The following SLF1 variants were observed in gnomAD, a reference collection of about 807,000 sequenced individuals.
SLF1 encodes the protein SMC5-SMC6 complex localization factor protein 1.
In SLF1, 105 loss-of-function variants were observed where a neutral mutation model predicts 123.0. The ratio of observed to expected loss-of-function variants is 0.85; its 90% CI spans 0.73 to 1.00. The LOEUF (loss-of-function observed/expected upper bound fraction) is 1.00. Ranked by LOEUF, SLF1 falls within the 50% of genes least tolerant of loss-of-function variation. The pLI, the probability that SLF1 is intolerant of heterozygous loss-of-function variation, is 0.00. For synonymous variants in SLF1, 434 were observed against 406.6 expected, an observed-to-expected ratio of 1.07 and a Z score of -0.81; for missense variants, 1,239 against 1,223.0, an observed-to-expected ratio of 1.01 and a Z score of -0.20.
At chr5:94,676,292 A>G (rs950040140) in intron 14 of SLF1, among the ~76,000 whole-genome samples, 18 of 152,188 alleles carry the variant, frequency 1.2e-4, no homozygotes, top group African/African-American at 4.3e-4. Flanking sequence ...GCTCAGAGTG[A>G]TCAAGCAAGA....
At chr5:94,687,079 A>T (rs1442658096) in intron 16 of SLF1, among the ~76,000 whole-genome samples, 3 of 152,216 alleles carry the variant, frequency 2.0e-5, no homozygotes, top group South Asian at 2.1e-4. Flanking sequence ...ACTCAATTTT[A>T]AAAAATTCTT....
chr5:94,647,688 A>T (rs1292512618), intron 5 of SLF1, among the ~76,000 whole-genome samples: 2 of 152,236 alleles, frequency 1.3e-5, no homozygotes, highest in East Asian at 3.8e-4. Flanking sequence ...AGGAATAAAA[A>T]TGACTATTTA....
At chr5:94,670,305 CTT>C (rs1190066954) in intron 13 of SLF1, 26 bp downstream of exon 13, 1 of 1,418,982 alleles carries the variant, frequency 7.0e-7, no homozygotes, top group Non-Finnish European at 9.2e-7. Flanking sequence ...AAGAATAACA[CTT>C]TTCTAAATTT....
chr5:94,628,878 T>C lies in SLF1; in HGVS notation c.68T>C (p.Leu23Pro). 6.5e-7 allele frequency: 1 copy of C among 1,550,202 alleles called. No homozygotes were observed. The highest frequency in any genetic ancestry group is 8.7e-7 in the Non-Finnish European group (1 of 1,146,342). ...TGFKMEEKEA[L>P]VKLLLKLDCT... ...TTTAAGATGGAAGAAAAAGAAGCGC[T>C]AGTCAAATTACTTTTAAAACTAGAT... The change falls in exon 2 of 21, where the codon CTA (leucine) becomes CCA (proline). Residue 23 changes from leucine to proline, a missense_variant. By Grantham distance (98) the Leu-to-Pro change is moderately conservative (BLOSUM62 -3). Coordinates refer to ENST00000265140, the MANE Select transcript of SLF1 (RefSeq NM_032290.4).
chr5:94,671,254 T>C (rs1194468930), intron 14 of SLF1, among the ~76,000 whole-genome samples: 1 of 151,894 alleles, frequency 6.6e-6, no homozygotes, highest in African/African-American at 2.4e-5. Context: ...AATCTCTAGT[T>C]ACTTACCTTT....
chr5:94,622,939 C>A (rs747730777), intron 1 of SLF1, among the ~76,000 whole-genome samples: 1 of 152,038 alleles, frequency 6.6e-6, no homozygotes, highest in Non-Finnish European at 1.5e-5. Context: ...TAGCACCTTC[C>A]GCTTTTTCCC....
chr5:94,670,198 T>C lies in SLF1; in HGVS notation c.1580T>C (p.Ile527Thr), dbSNP rs778223116. 3.3e-6 allele frequency: 5 copies of C among 1,537,118 alleles called. No individual in the cohort carries two copies. The highest frequency in any genetic ancestry group is 1.2e-5 in the South Asian group (1 of 81,130). ...ESFCHQISEN[I>T]GSKVLHLTLL... ...TTTTGTCATCAAATTTCAGAAAATATTGGCTCCAAGGTGCTCCACCTGACG... is the reference window on the plus strand; with the variant it reads ...TTTTGTCATCAAATTTCAGAAAATACTGGCTCCAAGGTGCTCCACCTGACG... Residue 527 changes from isoleucine to threonine, a missense_variant, in exon 13 of 21, where the codon ATT (isoleucine) becomes ACT (threonine). By Grantham distance (89) the Ile-to-Thr change is moderately conservative (BLOSUM62 -1). Transcript: ENST00000265140.
In SLF1 at chr5:94,628,358, A is replaced by G. The variant is rs528418487; in HGVS notation, c.1-453A>G. ...TTCACCATGTTGGCCAGGCTGGTCTAGATTTCCTGACCTCGTGATCCGCCG... is the reference window on the plus strand; with the variant it reads ...TTCACCATGTTGGCCAGGCTGGTCTGGATTTCCTGACCTCGTGATCCGCCG... On this transcript the variant is annotated intron_variant, in intron 1 of 20. Transcript: ENST00000265140. 5.9e-5 allele frequency among the ~76,000 whole-genome samples: 9 copies of G among 151,784 alleles called. No individual in the cohort carries two copies. The South Asian group carries it at 1.9e-3, about 32-fold the overall frequency.
intron 4 of SLF1, among the ~76,000 whole-genome samples, chr5:94,636,396 G>A (rs993421264): frequency 6.6e-6 from 1 of 151,972 alleles, no homozygotes; most frequent in African/African-American, 2.4e-5. Flanking sequence ...TCTCTCTTCT[G>A]CTGATTTTAT....
At chr5:94,636,473 T>G (rs1703614745) in intron 4 of SLF1, among the ~76,000 whole-genome samples, 2 of 152,160 alleles carry the variant, frequency 1.3e-5, no homozygotes, top group African/African-American at 4.8e-5. Flanking sequence ...CTTCGCTGAC[T>G]GGAAAATTTC....
Position 94,653,364 on chromosome 5 carries a change from C to T in SLF1, c.975C>T (p.Gly325=), listed in dbSNP as rs765926259. ...KKGKESNCKK[G]VEHEKIKSTL... ...GAAAAGAAAGCAATTGCAAGAAAGG[C>T]GTTGAACATGAAAAAATAAAAAGTA... The change falls in exon 8 of 21, where the codon GGC becomes GGT. Residue 325 remains glycine, a synonymous_variant. Coordinates refer to ENST00000265140, the MANE Select transcript of SLF1 (RefSeq NM_032290.4). 26 of 1,525,718 alleles carry T rather than the reference C, an allele frequency of 1.7e-5. No individual in the cohort carries two copies. In the Admixed American group the frequency reaches 3.5e-4, roughly 20 times the overall value. The allele number at this position is 1,525,718 out of a possible 1,614,324, so 94.5% of individuals were successfully genotyped here. A position where few individuals can be genotyped will look rare whatever the true frequency, so the allele number is the denominator to read the frequency against.
intron 7 of SLF1, among the ~76,000 whole-genome samples, chr5:94,652,796 T>C (rs1480692971): frequency 6.6e-6 from 1 of 152,170 alleles, no homozygotes; most frequent in African/African-American, 2.4e-5. Context: ...TTTCAAAATA[T>C]TTTACTAATG....
chr5:94,671,117 T>G, intron 14 of SLF1, 109 bp downstream of exon 14: 1 of 783,446 alleles, frequency 1.3e-6, no homozygotes, highest in Non-Finnish European at 1.9e-6. Flanking sequence ...AATTAAAATG[T>G]ACCCAAATAT....
At chr5:94,646,871 G>A (rs1033712115) in intron 5 of SLF1, among the ~76,000 whole-genome samples, 1 of 152,080 alleles carries the variant, frequency 6.6e-6, no homozygotes, top group African/African-American at 2.4e-5. Context: ...TTACTACCTT[G>A]AGTAATAGTT....
chr5:94,666,130 GT>G, intron 12 of SLF1, 106 bp downstream of exon 12: 1 of 1,139,810 alleles, frequency 8.8e-7, no homozygotes, highest in South Asian at 1.8e-5. Context: ...TTTTGGAAAA[GT>G]TTTGTTGCAA....
At chr5:94,669,771 AGAG>A (rs888005308) in intron 12 of SLF1, among the ~76,000 whole-genome samples, 1 of 152,062 alleles carries the variant, frequency 6.6e-6, no homozygotes, top group African/African-American at 2.4e-5. Context: ...TGGGTAAGAA[AGAG>A]GAGGATTCTG....
At chr5:94,651,308 G>A (rs1747697441) in intron 6 of SLF1, among the ~76,000 whole-genome samples, 2 of 152,162 alleles carry the variant, frequency 1.3e-5, no homozygotes, top group African/African-American at 4.8e-5. Context: ...TATCCCCATC[G>A]TTAAGCAGTG....
At chr5:94,650,554 C>T (rs564478760) in intron 6 of SLF1, among the ~76,000 whole-genome samples, 190 of 152,086 alleles carry the variant, frequency 1.2e-3, no homozygotes, top group African/African-American at 4.5e-3. Context: ...TTAGTAGAGA[C>T]GGGGTTTCAC....
rs956187739 is a variant in SLF1, at chr5:94,651,582, G to C, written c.739-120G>C. The C allele has an allele frequency of 4.4e-6, 3 of 676,026 alleles. 1 individual carries two copies. The East Asian group carries it at 1.1e-4, about 24-fold the overall frequency. The allele number at this position is 676,026 out of a possible 1,614,324, so 41.9% of individuals were successfully genotyped here. A position where few individuals can be genotyped will look rare whatever the true frequency, so the allele number is the denominator to read the frequency against. ...AGGGTTCTTTACTCTATTTAACCTT[G>C]TATGTATATTTTACAAAATCTATGT... On this transcript the variant is annotated intron_variant, in intron 6 of 20. Coordinates refer to ENST00000265140, the MANE Select transcript of SLF1 (RefSeq NM_032290.4).
Sources: gnomAD v4.1 joint callset for allele counts (sites outside exome capture counted in the v4.1 genomes callset) on GRCh38, gnomAD v4.1.1 for gene constraint, MANE v1.5 for transcripts, NCBI Gene and HGNC (gene_info 2026-07-23, HGNC 2026-07-21) for gene names.